Variants in KRT75 observed in about 807,000 individuals in gnomAD.
KRT75 encodes keratin, type II cytoskeletal 75.
A neutral mutation model predicts 48.8 loss-of-function variants in KRT75; 35 were observed. The ratio of observed to expected loss-of-function variants is 0.72; its 90% CI spans 0.55 to 0.95. The LOEUF is 0.95. KRT75 is among the 40% of genes least tolerant of loss of function. The pLI, the probability that KRT75 is intolerant of heterozygous loss-of-function variation, is 0.00. For missense variants in KRT75, 776 were observed against 709.9 expected (o/e 1.09, Z -1.06); for synonymous variants, 301 against 282.3 (o/e 1.07, Z -0.66).
intron 7 of KRT75, among the ~76,000 whole-genome samples, chr12:52,427,206 G>A (rs1448764354): frequency 2.6e-5 from 4 of 152,222 alleles, no homozygotes; most frequent in African/African-American, 9.6e-5. Flanking sequence ...CTCTCAACAA[G>A]GGACCATTGT....
chr12:52,433,380 C>T, intron 1 of KRT75, 128 bp from the exon 2 acceptor site: 1 of 847,004 alleles, frequency 1.2e-6, no homozygotes, highest in Non-Finnish European at 1.9e-6. Context: ...ATGTAACTGA[C>T]AACTCCAACC....
chr12:52,432,676 A>G (rs1293651417), intron 2 of KRT75, among the ~76,000 whole-genome samples: 1 of 152,214 alleles, frequency 6.6e-6, no homozygotes, highest in Non-Finnish European at 1.5e-5. Flanking sequence ...TTCACTCTAC[A>G]GTGAATGCCA....
rs367875148 is a variant in KRT75, at chr12:52,433,263, G to T, written c.499-11C>A. On this transcript the variant is annotated splice_polypyrimidine_tract_variant and intron_variant, in intron 1 of 8. Coordinates refer to ENST00000252245, the MANE Select transcript of KRT75 (RefSeq NM_004693.3). ...CTCCAAGAACCTCACCTGGAGGGAA[G>T]AAGAGAGAATGAAACCTTGAGAAGT... 4.4e-5 allele frequency: 71 copies of T among 1,610,590 alleles called. No individual in the cohort carries two copies. Among genetic ancestry groups the T allele is most frequent in the Non-Finnish European group, 5.6e-5 (66 of 1,177,134 alleles).
At chr12:52,432,208 C>A (rs1019164455) in intron 2 of KRT75, 142 bp from the exon 3 acceptor site, 3 of 731,830 alleles carry the variant, frequency 4.1e-6, no homozygotes, top group Non-Finnish European at 7.1e-6. Flanking sequence ...ATTCATTTAA[C>A]CTCTATTTCT....
At chr12:52,432,774 T>C (rs761713248) in intron 2 of KRT75, among the ~76,000 whole-genome samples, 1 of 152,236 alleles carries the variant, frequency 6.6e-6, no homozygotes, top group Non-Finnish European at 1.5e-5. Context: ...TTATGATTTC[T>C]AGAGTGAGTA....
intron 5 of KRT75, 21 bp from the exon 6 acceptor site, chr12:52,428,764 C>T: frequency 1.2e-6 from 2 of 1,613,624 alleles, no homozygotes; most frequent in Non-Finnish European, 1.7e-6. Context: ...CAGAGCAAAC[C>T]CAGTCACTGA....
At chr12:52,428,819 C>G (rs2121512625) in intron 5 of KRT75, 76 bp from the exon 6 acceptor site, 3 of 1,595,002 alleles carry the variant, frequency 1.9e-6, no homozygotes, top group South Asian at 2.2e-5. Flanking sequence ...CAGACCCACC[C>G]TGGGTGCCAC....
Position 52,424,397 on chromosome 12 carries a change from C to T in KRT75, c.*120G>A. 1.0e-6 allele frequency: 1 copy of T among 972,262 alleles called. No homozygotes were observed. The highest frequency in any genetic ancestry group is 1.3e-5 in the South Asian group (1 of 77,504). 60.2% of individuals were successfully genotyped at this position (972,262 alleles called of 1,614,324 possible). The stretch of plus-strand genomic sequence containing the variant: ...GGCCTGGGAATGGGTATAGCCAGTA[C>T]TCCAGGCTCCCAGCAGCACAGGTGC... On this transcript the variant is annotated 3_prime_UTR_variant, in exon 9 of 9. Coordinates refer to ENST00000252245, the MANE Select transcript of KRT75 (RefSeq NM_004693.3).
intron 1 of KRT75, 57 bp downstream of exon 1, chr12:52,433,750 C>T (rs67876): frequency 0.59 from 950,800 of 1,611,498 alleles, 282,633 homozygotes; most frequent in East Asian, 0.72. Context: ...ATGGGATGGC[C>T]CTTCCAAGAG....
chr12:52,428,076 C>T (rs565752798), intron 7 of KRT75, 180 bp downstream of exon 7: 3 of 785,384 alleles, frequency 3.8e-6, no homozygotes, highest in South Asian at 3.4e-5. Context: ...TGTAGTTGCA[C>T]CTCAAATGAT....
In KRT75 at chr12:52,433,955, G is replaced by A; in HGVS notation, c.350C>T (p.Pro117Leu). ...GFSGPSFPVC[P>L]PGGIQEVTVN... is the part of the protein sequence containing the mutation. ...AGTGACCTCTTGGATGCCTCCAGGG[G>A]GACACACGGGGAAGCTGGGGCCACT... The change falls in exon 1 of 9, where the codon CCC (proline) becomes CTC (leucine). Residue 117 changes from proline (P) to leucine (L), a missense_variant. Transcript: ENST00000252245. The A allele has an allele frequency of 1.9e-6, 3 of 1,614,140 alleles. No homozygotes were observed. Among genetic ancestry groups the A allele is most frequent in the Non-Finnish European group, 2.5e-6 (3 of 1,180,024 alleles).
Position 52,433,970 on chromosome 12 carries a change from C to A in KRT75, c.335G>T (p.Ser112Ile). 6.2e-7 allele frequency: 1 copy of A among 1,614,166 alleles called. No individual in the cohort carries two copies. The highest frequency in any genetic ancestry group is 8.5e-7 in the Non-Finnish European group (1 of 1,180,010). ...GGVGGGFSGP[S>I]FPVCPPGGIQ... ...GCCTCCAGGGGGACACACGGGGAAGCTGGGGCCACTGAAGCCTCCTCCAAC... is the reference window on the plus strand; with the variant it reads ...GCCTCCAGGGGGACACACGGGGAAGATGGGGCCACTGAAGCCTCCTCCAAC... Residue 112 changes from serine to isoleucine, a missense_variant, in exon 1 of 9, where the codon AGC becomes ATC. Physicochemically the swap from Ser to Ile is moderately radical, Grantham distance 142 (BLOSUM62 -2). Transcript: ENST00000252245.
chr12:52,434,195 A>G lies in KRT75; in HGVS notation c.110T>C (p.Val37Ala). ...CCCACTCCCTGCTGCAGAGCGGGCC[A>G]CAGAGACAGAGCTGAAGCGGGAGCG... The part of the protein sequence containing the change: ...AGRSRFSSVS[V>A]ARSAAGSGGL... Residue 37 changes from valine (V) to alanine (A), a missense_variant, in exon 1 of 9, where the codon GTG becomes GCG. Transcript: ENST00000252245. The G allele has an allele frequency of 6.2e-7, 1 of 1,608,390 alleles. No homozygotes were observed. The highest frequency in any genetic ancestry group is 8.5e-7 in the Non-Finnish European group (1 of 1,176,474).
rs2232386 is a variant in KRT75, at chr12:52,433,956, G to C, written c.349C>G (p.Pro117Ala). The C allele has an allele frequency of 0.12, 186,821 of 1,614,020 alleles. 11,734 individuals carry two copies. The highest frequency in any genetic ancestry group is 0.23 in the Admixed American group (13,936 of 60,016). ...GTGACCTCTTGGATGCCTCCAGGGG[G>C]ACACACGGGGAAGCTGGGGCCACTG... The part of the protein sequence containing the change: ...GFSGPSFPVC[P>A]PGGIQEVTVN... The change falls in exon 1 of 9, where the codon CCC becomes GCC. Residue 117 changes from proline (P) to alanine (A), a missense_variant. Coordinates refer to ENST00000252245, the MANE Select transcript of KRT75 (RefSeq NM_004693.3).
intron 8 of KRT75, among the ~76,000 whole-genome samples, chr12:52,425,688 C>T (rs144980248): frequency 3.4e-4 from 52 of 152,288 alleles, no homozygotes; most frequent in African/African-American, 1.1e-3. Flanking sequence ...ATGCTGCCTC[C>T]GTGTTCCAGA....
chr12:52,432,650 T>G (rs1940159746), intron 2 of KRT75, among the ~76,000 whole-genome samples: 1 of 152,208 alleles, frequency 6.6e-6, no homozygotes, highest in Admixed American at 6.5e-5. Flanking sequence ...CTTTAAACTC[T>G]TCCTTGTTAC....
Position 52,430,852 on chromosome 12 carries a change from C to T in KRT75, c.871-147G>A, listed in dbSNP as rs1026663744. ...ATTCCCTAGGTATTCCCATTCATCC[C>T]AAAAGATCAGTGTGGTGAAAATCTT... On this transcript the variant is annotated intron_variant, in intron 4 of 8. Coordinates refer to ENST00000252245, the MANE Select transcript of KRT75 (RefSeq NM_004693.3). 18 of 924,170 alleles carry T rather than the reference C, an allele frequency of 1.9e-5. No homozygotes were observed. The African/African-American group carries it at 2.9e-4, about 15-fold the overall frequency. 57.2% of individuals were successfully genotyped at this position (924,170 alleles called of 1,614,324 possible).
intron 7 of KRT75, 66 bp from the exon 8 acceptor site, chr12:52,426,917 T>G (rs1277917007): frequency 7.5e-7 from 1 of 1,325,788 alleles, no homozygotes; most frequent in Non-Finnish European, 1.1e-6. Context: ...GCCTTTGCAA[T>G]GACACTTTTG....
At chr12:52,428,814 C>G in intron 5 of KRT75, 71 bp from the exon 6 acceptor site, 1 of 1,596,408 alleles carries the variant, frequency 6.3e-7, no homozygotes, top group Non-Finnish European at 8.6e-7. Flanking sequence ...GCACACAGAC[C>G]CACCCTGGGT....
Sources: gnomAD v4.1 joint callset for allele counts (sites outside exome capture counted in the v4.1 genomes callset) on GRCh38, gnomAD v4.1.1 for gene constraint, MANE v1.5 for transcripts, NCBI Gene and HGNC (gene_info 2026-07-23, HGNC 2026-07-21) for gene names.